The following B4GALT1 variants were observed in gnomAD, a reference collection of about 807,000 sequenced individuals.
The protein encoded by B4GALT1 is N-acetyllactosamine synthase.
A neutral mutation model predicts 34.9 loss-of-function variants in B4GALT1; 16 were observed. The observed-to-expected ratio is 0.46, with a 90% CI of 0.31 to 0.70. The LOEUF (loss-of-function observed/expected upper bound fraction) is 0.70, where lower values mean the gene tolerates loss of function less well. Ranked by LOEUF, B4GALT1 falls within the 30% of genes least tolerant of loss-of-function variation. The pLI is 0.05. For missense variants in B4GALT1, 445 were observed against 530.5 expected (o/e 0.84, Z 1.58); for synonymous variants, 221 against 218.1 (o/e 1.01, Z -0.12).
chr9:33,178,902 A>G, the B4GALT1 span: 2 of 152,408 alleles, frequency 1.3e-5, no homozygotes, highest in East Asian at 1.9e-4. Context: ...TCAGGTGTCC[A>G]TGGATTGGCG....
At chr9:33,140,301 T>C (rs1213355542) in intron 1 of B4GALT1, among the ~76,000 whole-genome samples, 1 of 152,222 alleles carries the variant, frequency 6.6e-6, no homozygotes, top group African/African-American at 2.4e-5. Flanking sequence ...GTGACAATGT[T>C]TCACTAGCCC....
At chr9:33,135,104 C>T (rs1840247053) in intron 2 of B4GALT1, 85 bp downstream of exon 2, 1 of 1,359,092 alleles carries the variant, frequency 7.4e-7, no homozygotes, top group Admixed American at 1.9e-5. Context: ...AAATCACTCC[C>T]CTTCCCCTGC....
At chr9:33,162,328 T>A (rs1485147019) in intron 1 of B4GALT1, among the ~76,000 whole-genome samples, 1 of 151,992 alleles carries the variant, frequency 6.6e-6, no homozygotes, top group East Asian at 1.9e-4. Flanking sequence ...AATACACACT[T>A]TGGTTCCCCT....
chr9:33,116,449 C>G (rs912459321), intron 3 of B4GALT1, among the ~76,000 whole-genome samples: 2 of 149,478 alleles, frequency 1.3e-5, no homozygotes, highest in African/African-American at 2.5e-5. Context: ...GTCTTGATCT[C>G]TTAACCTCGT....
chr9:33,121,428 T>C (rs916419962), intron 2 of B4GALT1, among the ~76,000 whole-genome samples: 1 of 152,106 alleles, frequency 6.6e-6, no homozygotes, highest in African/African-American at 2.4e-5. Flanking sequence ...AATGGTATGA[T>C]CTTGGCTCAC....
intron 1 of B4GALT1, among the ~76,000 whole-genome samples, chr9:33,146,117 A>T (rs1397945072): frequency 1.3e-5 from 2 of 152,242 alleles, no homozygotes; most frequent in Non-Finnish European, 2.9e-5. Flanking sequence ...AAAGCCCAGT[A>T]AACAAGCTCC....
chr9:33,135,489 A>T, intron 1 of B4GALT1, 65 bp from the exon 2 acceptor site: 1 of 1,492,894 alleles, frequency 6.7e-7, no homozygotes, highest in South Asian at 1.2e-5. Context: ...CACAGGCTGC[A>T]TCAGATGGCC....
At chr9:33,171,139 G>GT (rs1420998873), upstream of B4GALT1, among the ~76,000 whole-genome samples, 2 of 152,220 alleles carry the variant, frequency 1.3e-5, no homozygotes, top group African/African-American at 4.8e-5. Context: ...CTATTGCAGC[G>GT]TAACACCTAC....
chr9:33,183,334 C>T, the B4GALT1 span, among the ~76,000 whole-genome samples: 2 of 150,852 alleles, frequency 1.3e-5, no homozygotes, highest in Non-Finnish European at 2.9e-5. Flanking sequence ...CACATGCACA[C>T]GTATGTTTAT....
At chr9:33,123,917 T>G (rs765902329) in intron 2 of B4GALT1, among the ~76,000 whole-genome samples, 1 of 152,164 alleles carries the variant, frequency 6.6e-6, no homozygotes, top group Non-Finnish European at 1.5e-5. Flanking sequence ...AGACTTAAAA[T>G]TGGTCAGGCA....
chr9:33,183,772 T>G, the B4GALT1 span, among the ~76,000 whole-genome samples: 1 of 150,622 alleles, frequency 6.6e-6, no homozygotes, highest in African/African-American at 2.4e-5. Flanking sequence ...CCCTAAAACT[T>G]AAAGTATAAT....
At chr9:33,136,976 T>C (rs1205318813) in intron 1 of B4GALT1, among the ~76,000 whole-genome samples, 1 of 139,570 alleles carries the variant, frequency 7.2e-6, no homozygotes, top group Non-Finnish European at 1.5e-5. Flanking sequence ...TCTCACCAGA[T>C]AGCTGCCACT....
At chr9:33,177,444 C>G in the B4GALT1 span, 1 of 152,098 alleles carries the variant, frequency 6.6e-6, no homozygotes, top group Admixed American at 6.5e-5. Context: ...GTTTCCATGG[C>G]CAAACCTAGC....
intron 1 of B4GALT1, among the ~76,000 whole-genome samples, chr9:33,142,807 C>T (rs1840372636): frequency 6.6e-6 from 1 of 152,046 alleles, no homozygotes; most frequent in Admixed American, 6.6e-5. Flanking sequence ...TCTGTGGTCT[C>T]AGTACCCTGC....
At chr9:33,116,491 G>T (rs1839940408) in intron 3 of B4GALT1, among the ~76,000 whole-genome samples, 1 of 140,048 alleles carries the variant, frequency 7.1e-6, no homozygotes, top group Non-Finnish European at 1.5e-5. Context: ...CAAAGTGCTG[G>T]GATTACAGTT....
At chr9:33,153,166 G>T (rs1184317926) in intron 1 of B4GALT1, among the ~76,000 whole-genome samples, 1 of 152,066 alleles carries the variant, frequency 6.6e-6, no homozygotes, top group Non-Finnish European at 1.5e-5. Context: ...AATATATAAA[G>T]GTTAGTAACA....
rs41274021 is a variant in B4GALT1 at position 33,113,071 on chromosome 9, T to C, written c.*383A>G. ...TCCAATTTTAGCAGCACTCTCCGAA[T>C]TTTCACGAATAAGAAAACCATAATT... On this transcript the variant is annotated 3_prime_UTR_variant, in exon 6 of 6. Transcript: ENST00000379731. The C allele has an allele frequency of 0.011, 3,233 of 287,856 alleles. 38 individuals are homozygous for C. Among genetic ancestry groups the C allele is most frequent in the Non-Finnish European group, 0.017 (2,507 of 146,238 alleles). The allele number at this position is 287,856 out of a possible 1,614,324, so 17.8% of individuals were successfully genotyped here. A position where few individuals can be genotyped will look rare whatever the true frequency, so the allele number is the denominator to read the frequency against.
chr9:33,126,442 T>A (rs1234227061), intron 2 of B4GALT1, among the ~76,000 whole-genome samples: 1 of 152,120 alleles, frequency 6.6e-6, no homozygotes, highest in Non-Finnish European at 1.5e-5. Context: ...TTTGCTTTTG[T>A]TGTTGTTGTT....
At chr9:33,152,075 T>C (rs1463216917) in intron 1 of B4GALT1, among the ~76,000 whole-genome samples, 2 of 152,088 alleles carry the variant, frequency 1.3e-5, no homozygotes, top group Non-Finnish European at 2.9e-5. Flanking sequence ...CCCAGCACTT[T>C]GGGAGGATCA....
Sources: gnomAD v4.1 joint callset for allele counts (sites outside exome capture counted in the v4.1 genomes callset) on GRCh38, gnomAD v4.1.1 for gene constraint, MANE v1.5 for transcripts, NCBI Gene and HGNC (gene_info 2026-07-23, HGNC 2026-07-21) for gene names.